GPR158: variants seen among roughly 807,000 people sequenced by gnomAD.
GPR158 encodes G protein-coupled receptor 158, also known as metabotropic glycine receptor.
Under a neutral mutation model 78.2 loss-of-function variants are expected in GPR158, and 30 were observed. The ratio of observed to expected loss-of-function variants is 0.38; its 90% CI spans 0.29 to 0.52. The LOEUF is 0.52. Among genes scored for constraint, GPR158 ranks in the 20% least tolerant of loss-of-function variants. GPR158 has a pLI of 0.83. For missense variants in GPR158, 1,463 were observed against 1,523.5 expected, an observed-to-expected ratio of 0.96 and a Z score of 0.66; for synonymous variants, 581 against 591.1, an observed-to-expected ratio of 0.98 and a Z score of 0.25.
At chr10:25,192,943 T>G (rs2130644730) in intron 1 of GPR158, among the ~76,000 whole-genome samples, 1 of 152,330 alleles carries the variant, frequency 6.6e-6, no homozygotes, top group East Asian at 1.9e-4. Context: ...TGTGGGCTAA[T>G]GTAAGTGTTC....
At chr10:25,521,383 T>G (rs988813414) in intron 5 of GPR158, among the ~76,000 whole-genome samples, 1 of 152,190 alleles carries the variant, frequency 6.6e-6, no homozygotes, top group Non-Finnish European at 1.5e-5. Context: ...CCATCTTGGC[T>G]CCTCCCTCCT....
chr10:25,306,313 A>G (rs540402887), intron 2 of GPR158, among the ~76,000 whole-genome samples: 1 of 152,280 alleles, frequency 6.6e-6, no homozygotes, highest in African/African-American at 2.4e-5. Flanking sequence ...GTTTTTACTT[A>G]GTACTAAATA....
At chr10:25,568,814 C>A (rs1836965917) in intron 6 of GPR158, among the ~76,000 whole-genome samples, 1 of 152,048 alleles carries the variant, frequency 6.6e-6, no homozygotes, top group Non-Finnish European at 1.5e-5. Context: ...GCAGTCTTCC[C>A]ATATATGTTG....
rs917469435 is a variant in GPR158, at chr10:25,534,079, G to C, written c.1405-16897G>C. Among the ~76,000 whole-genome samples, 4 of 152,174 alleles carry C rather than the reference G, an allele frequency of 2.6e-5. No individual in the cohort carries two copies. The South Asian group carries it at 8.3e-4, about 32-fold the overall frequency. ...AAGATAATGAGATAGACTCTGAGTT[G>C]CTTCCTTCTCTCCTGGGCCAGCTTT... On this transcript the variant is annotated intron_variant, in intron 5 of 10. Transcript: ENST00000376351.
At chr10:25,312,182 G>A (rs1447910634) in intron 2 of GPR158, among the ~76,000 whole-genome samples, 1 of 151,976 alleles carries the variant, frequency 6.6e-6, no homozygotes, top group Non-Finnish European at 1.5e-5. Context: ...AACCATTTCA[G>A]AGGACTTGTT....
At chr10:25,209,836 G>A (rs1168388734) in intron 1 of GPR158, among the ~76,000 whole-genome samples, 3 of 152,128 alleles carry the variant, frequency 2.0e-5, no homozygotes, top group African/African-American at 7.2e-5. Flanking sequence ...TGGTACTAAG[G>A]TCATGCCTAA....
chr10:25,572,065 T>G (rs1837016151), intron 6 of GPR158, among the ~76,000 whole-genome samples: 1 of 152,198 alleles, frequency 6.6e-6, no homozygotes, highest in Admixed American at 6.5e-5. Flanking sequence ...TTTGAGTTAG[T>G]ATAATATTGT....
chr10:25,512,810 A>G (rs1241234420), intron 5 of GPR158, among the ~76,000 whole-genome samples: 1 of 152,016 alleles, frequency 6.6e-6, no homozygotes, highest in African/African-American at 2.4e-5. Context: ...TGCTTTTAAT[A>G]ACGTTTATGT....
intron 2 of GPR158, among the ~76,000 whole-genome samples, chr10:25,326,735 G>A (rs1014544071): frequency 6.6e-6 from 1 of 152,176 alleles, no homozygotes; most frequent in Admixed American, 6.5e-5. Flanking sequence ...ATATTATTAA[G>A]AGAGTAGATC....
intron 2 of GPR158, among the ~76,000 whole-genome samples, chr10:25,241,372 C>CTCTCCTCTCTTCTCTTCTCT (rs1853623411): frequency 9.7e-6 from 1 of 102,950 alleles, no homozygotes; most frequent in Admixed American, 1.1e-4. Flanking sequence ...CTTTTCTTTT[C>CTCTCCTCTCTTCTCTTCTCT]TCTCTTCTCT....
intron 5 of GPR158, among the ~76,000 whole-genome samples, chr10:25,471,553 G>A (rs1385131677): frequency 6.6e-6 from 1 of 152,116 alleles, no homozygotes; most frequent in Admixed American, 6.5e-5. Flanking sequence ...TTCCACAATG[G>A]TTGAACTAGT....
chr10:25,536,999 A>G (rs1300435470), intron 5 of GPR158, among the ~76,000 whole-genome samples: 2 of 152,196 alleles, frequency 1.3e-5, no homozygotes, highest in African/African-American at 2.4e-5. Flanking sequence ...GCAGAGTCCT[A>G]AGTGGTCCAG....
At chr10:25,483,693 A>G (rs1186010131) in intron 5 of GPR158, among the ~76,000 whole-genome samples, 1 of 152,200 alleles carries the variant, frequency 6.6e-6, no homozygotes, top group Non-Finnish European at 1.5e-5. Flanking sequence ...CTTAAAAAAT[A>G]TTTGTTAAAT....
At chr10:25,375,924 A>G (rs1259607829) in intron 2 of GPR158, among the ~76,000 whole-genome samples, 1 of 151,632 alleles carries the variant, frequency 6.6e-6, no homozygotes, top group Non-Finnish European at 1.5e-5. Flanking sequence ...TACAAAATAT[A>G]TAGTGGGATT....
At chr10:25,206,110 C>T (rs149553791) in intron 1 of GPR158, among the ~76,000 whole-genome samples, 2,271 of 151,700 alleles carry the variant, frequency 0.015, 54 homozygotes, top group African/African-American at 0.052. Flanking sequence ...CTCAGCCTCC[C>T]GAGTAGCTGG....
chr10:25,230,450 T>A (rs573792476), intron 2 of GPR158, among the ~76,000 whole-genome samples: 1 of 152,318 alleles, frequency 6.6e-6, no homozygotes, highest in South Asian at 2.1e-4. Flanking sequence ...TCAGTTCTCA[T>A]ACATTAAAAT....
At chr10:25,588,528 T>G (rs1837300091) in intron 7 of GPR158, among the ~76,000 whole-genome samples, 1 of 152,256 alleles carries the variant, frequency 6.6e-6, no homozygotes, top group Non-Finnish European at 1.5e-5. Flanking sequence ...TGTTCTCACA[T>G]AGCTGGCAAT....
chr10:25,230,753 A>T (rs1383394083), intron 2 of GPR158, among the ~76,000 whole-genome samples: 1 of 152,210 alleles, frequency 6.6e-6, no homozygotes, highest in Non-Finnish European at 1.5e-5. Flanking sequence ...AGATTTTTTT[A>T]AAAATGAAAA....
At chr10:25,237,625 A>G (rs964001202) in intron 2 of GPR158, among the ~76,000 whole-genome samples, 8 of 152,210 alleles carry the variant, frequency 5.3e-5, no homozygotes, top group African/African-American at 1.7e-4. Flanking sequence ...GATTATTCTC[A>G]TTCACCATTG....
Sources: allele counts gnomAD v4.1 joint callset (sites outside exome capture counted in the v4.1 genomes callset), GRCh38; gene constraint gnomAD v4.1.1; transcripts MANE v1.5; gene names NCBI Gene and HGNC (gene_info 2026-07-23, HGNC 2026-07-21).